Variants in NAALADL2 observed in about 807,000 individuals in gnomAD.
The protein encoded by NAALADL2 is N-acetylated alpha-linked acidic dipeptidase like 2.
Under a neutral mutation model 87.2 loss-of-function variants are expected in NAALADL2, and 76 were observed. The observed-to-expected ratio is 0.87, with a 90% CI of 0.72 to 1.05. The LOEUF is 1.05. NAALADL2 is among the 50% of genes least tolerant of loss of function. The probability of loss-of-function intolerance (pLI) is 0.00; values close to 1 mark genes in which losing one functional copy is unlikely to be tolerated. For synonymous variants in NAALADL2, 354 were observed against 331.0 expected (o/e 1.07, Z -0.75); for missense variants, 1,089 against 945.8 (o/e 1.15, Z -1.99).
intron 4 of NAALADL2, among the ~76,000 whole-genome samples, chr3:175,284,698 AT>A (rs1388748662): frequency 1.3e-5 from 2 of 152,268 alleles, no homozygotes; most frequent in Non-Finnish European, 2.9e-5. Context: ...AGAAATTAAA[AT>A]AATAATTAAA....
intron 11 of NAALADL2, among the ~76,000 whole-genome samples, chr3:175,682,238 A>G (rs1341943854): frequency 6.6e-6 from 1 of 152,086 alleles, no homozygotes. Context: ...CATTTAGAAT[A>G]TAAATTCTAT....
intron 9 of NAALADL2, among the ~76,000 whole-genome samples, chr3:175,496,047 C>T (rs568974091): frequency 1.3e-5 from 2 of 152,214 alleles, no homozygotes; most frequent in African/African-American, 2.4e-5. Context: ...ATGTCTGACA[C>T]CCATTTGTAC....
intron 1 of NAALADL2, among the ~76,000 whole-genome samples, chr3:174,947,040 C>T (rs1429300075): frequency 6.6e-6 from 1 of 152,106 alleles, no homozygotes; most frequent in Non-Finnish European, 1.5e-5. Flanking sequence ...CACCTCAGCT[C>T]AAAGCCATAT....
intron 11 of NAALADL2, among the ~76,000 whole-genome samples, chr3:175,668,740 T>A (rs1447370821): frequency 6.6e-6 from 1 of 152,150 alleles, no homozygotes; most frequent in Non-Finnish European, 1.5e-5. Flanking sequence ...ACATATTTTT[T>A]CCCTTTGACA....
intron 1 of NAALADL2, among the ~76,000 whole-genome samples, chr3:174,893,630 G>A (rs1425401518): frequency 6.6e-6 from 1 of 152,146 alleles, no homozygotes; most frequent in Non-Finnish European, 1.5e-5. Context: ...AATAGTGTTA[G>A]ATTGTTATCA....
At chr3:175,441,159 A>T (rs940412985) in intron 5 of NAALADL2, among the ~76,000 whole-genome samples, 20 of 152,090 alleles carry the variant, frequency 1.3e-4, no homozygotes, top group African/African-American at 4.8e-4. Context: ...ACATCCATGG[A>T]TTCAACTAAC....
At chr3:174,831,408 A>T (rs1722672189) in intron 3 of NAALADL2, among the ~76,000 whole-genome samples, 1 of 141,458 alleles carries the variant, frequency 7.1e-6, no homozygotes, top group Non-Finnish European at 1.5e-5. Context: ...GCTGGATTAC[A>T]TTTATTGATT....
intron 1 of NAALADL2, among the ~76,000 whole-genome samples, chr3:174,937,007 G>A (rs1560386753): frequency 6.6e-6 from 1 of 151,944 alleles, no homozygotes; most frequent in African/African-American, 2.4e-5. Flanking sequence ...AACTCCAAAA[G>A]TTGAACATTT....
At position 174,765,147 on chromosome 3, in the gene NAALADL2, A is replaced by AC. The variant is rs1560206435; in HGVS notation, c.-9+27401_-9+27402insC. Among the ~76,000 whole-genome samples, 90 of 139,370 alleles carry AC rather than the reference A, an allele frequency of 6.5e-4. 1 individual carries two copies. The highest frequency in any genetic ancestry group is 3.6e-4 in the Admixed American group (5 of 13,858). 91.4% of individuals were successfully genotyped at this position (139,370 alleles called of 152,430 possible). The stretch of plus-strand genomic sequence containing the variant: ...ATACACACACACACACACACACGAG[A>AC]GAGAGAGAGAGAGAGAGAGAGAGAC... On this transcript the variant is annotated intron_variant, in intron 3 of 3. Transcript: ENST00000434257.
chr3:175,722,470 C>T (rs1742368581), intron 11 of NAALADL2, among the ~76,000 whole-genome samples: 1 of 152,038 alleles, frequency 6.6e-6, no homozygotes, highest in Non-Finnish European at 1.5e-5. Context: ...CAGGATATGT[C>T]CCCAGTTGTT....
intron 5 of NAALADL2, among the ~76,000 whole-genome samples, chr3:175,348,905 G>A (rs982044497): frequency 1.4e-4 from 22 of 152,040 alleles, no homozygotes; most frequent in African/African-American, 2.4e-4. Context: ...CAGAATAACC[G>A]TTTATAAAGT....
Position 175,520,544 on chromosome 3 carries a change from C to T in NAALADL2, c.1653+48786C>T, listed in dbSNP as rs1029870935. Among the ~76,000 whole-genome samples the T allele has an allele frequency of 5.3e-5, 8 of 151,820 alleles. No homozygotes were observed. The East Asian group carries it at 5.8e-4, about 11-fold the overall frequency. Reference sequence around the variant, plus strand: ...CGATCTCCTGACCTCATGATCCACCCGCCTCGGCCTCCCAAAGTGTTGGGA... The same window carrying T: ...CGATCTCCTGACCTCATGATCCACCTGCCTCGGCCTCCCAAAGTGTTGGGA... On this transcript the variant is annotated intron_variant, in intron 9 of 13. Coordinates refer to ENST00000454872, the MANE Select transcript of NAALADL2 (RefSeq NM_207015.3).
intron 3 of NAALADL2, among the ~76,000 whole-genome samples, chr3:174,743,298 A>C (rs1234830125): frequency 6.6e-6 from 1 of 151,766 alleles, no homozygotes; most frequent in Non-Finnish European, 1.5e-5. Flanking sequence ...CCCTGTCTAA[A>C]ATATCCATCA....
chr3:175,324,183 A>T lies in NAALADL2; in HGVS notation c.948A>T (p.Ser316=), dbSNP rs1250201027. ...GKLPLLYKLS[S]LEKAGFGGVL... ...TTGCTTCCCTCTTTTAGCTTTCCTCATTGGAAAAGGCTGGATTTGGAGGTG... is the reference window on the plus strand; with the variant it reads ...TTGCTTCCCTCTTTTAGCTTTCCTCTTTGGAAAAGGCTGGATTTGGAGGTG... Residue 316 remains serine (S), a synonymous_variant, in exon 5 of 14, where the codon TCA becomes TCT. Coordinates refer to ENST00000454872, the MANE Select transcript of NAALADL2 (RefSeq NM_207015.3). 2 of 1,612,590 alleles carry T rather than the reference A, an allele frequency of 1.2e-6. No homozygotes were observed. Among genetic ancestry groups the T allele is most frequent in the Middle Eastern group, 1.7e-4 (1 of 6,060 alleles).
In NAALADL2 at chr3:174,988,086, G is replaced by A. The variant is rs1401059038; in HGVS notation, c.44-108704G>A. On this transcript the variant is annotated intron_variant, in intron 1 of 13. Coordinates refer to ENST00000454872, the MANE Select transcript of NAALADL2 (RefSeq NM_207015.3). ...TCATGGTTCAAGTTATGTGATCTCC[G>A]AGGATCCGAAAAATAAACTATCAGT... Among the ~76,000 whole-genome samples the A allele has an allele frequency of 3.9e-5, 6 of 151,936 alleles. No homozygotes were observed. In the East Asian group the frequency reaches 9.7e-4, roughly 24 times the overall value.
chr3:175,154,215 C>G (rs528189824), intron 2 of NAALADL2, among the ~76,000 whole-genome samples: 1 of 152,040 alleles, frequency 6.6e-6, no homozygotes, highest in African/African-American at 2.4e-5. Context: ...TTTTCTGGTA[C>G]CTTTATCACT....
At chr3:174,652,352 C>T (rs1483621816) in intron 2 of NAALADL2, among the ~76,000 whole-genome samples, 1 of 152,166 alleles carries the variant, frequency 6.6e-6, no homozygotes, top group Non-Finnish European at 1.5e-5. Context: ...AAACACCAAC[C>T]ATAATGTATT....
chr3:175,749,147 G>A (rs1339901639), intron 12 of NAALADL2, among the ~76,000 whole-genome samples: 3 of 118,574 alleles, frequency 2.5e-5, no homozygotes, highest in Non-Finnish European at 3.5e-5. Flanking sequence ...GAGCGGAGGG[G>A]AAGGGAGGGG....
At position 175,356,611 on chromosome 3, in the gene NAALADL2, A is replaced by AT. The variant is rs57180801; in HGVS notation, c.1090+32286_1090+32287insT. 4.1e-5 allele frequency among the ~76,000 whole-genome samples: 6 copies of AT among 147,930 alleles called. No homozygotes were observed. In the East Asian group the frequency reaches 7.8e-4, roughly 19 times the overall value. On this transcript the variant is annotated intron_variant, in intron 5 of 13. Coordinates refer to ENST00000454872, the MANE Select transcript of NAALADL2 (RefSeq NM_207015.3). ...AATAATAATAATAATAATAATAATA[A>AT]AGAAATAAAAGAAAATACCATTGTA...
Sources: allele counts gnomAD v4.1 joint callset (sites outside exome capture counted in the v4.1 genomes callset), GRCh38; gene constraint gnomAD v4.1.1; transcripts MANE v1.5; gene names NCBI Gene and HGNC (gene_info 2026-07-23, HGNC 2026-07-21).